The following SLC7A7 variants were observed in gnomAD, a reference collection of about 807,000 sequenced individuals.
SLC7A7 encodes Y+L amino acid transporter 1.
Under a neutral mutation model 47.9 loss-of-function variants are expected in SLC7A7, and 39 were observed. That is an observed-to-expected ratio of 0.81 (90% CI 0.63 to 1.06). The LOEUF (loss-of-function observed/expected upper bound fraction) is 1.06, where lower values mean the gene tolerates loss of function less well. Ranked by LOEUF, SLC7A7 falls within the 50% of genes least tolerant of loss-of-function variation. The pLI, the probability that SLC7A7 is intolerant of heterozygous loss-of-function variation, is 0.00. For synonymous variants in SLC7A7, 234 were observed against 242.8 expected, an observed-to-expected ratio of 0.96 and a Z score of 0.34; for missense variants, 588 against 632.0, an observed-to-expected ratio of 0.93 and a Z score of 0.75.
At chr14:22,795,568 G>A (rs923071710) in intron 2 of SLC7A7, among the ~76,000 whole-genome samples, 23 of 151,362 alleles carry the variant, frequency 1.5e-4, no homozygotes, top group African/African-American at 4.9e-5. Context: ...TCCGCCTCCC[G>A]GGTTCACACC....
upstream of SLC7A7, chr14:22,816,321 C>A (rs2039406617): frequency 6.6e-6 from 1 of 152,108 alleles, no homozygotes. Flanking sequence ...GAAACCCCGT[C>A]TCTACTAAAA....
chr14:22,774,554 A>G, intron 7 of SLC7A7, 51 bp from the exon 8 acceptor site: 1 of 1,612,898 alleles, frequency 6.2e-7, no homozygotes, highest in Admixed American at 1.7e-5. Flanking sequence ...GTTAATCCAA[A>G]GGCTTTTCAC....
At chr14:22,787,171 C>T (rs929197479) in intron 2 of SLC7A7, among the ~76,000 whole-genome samples, 1 of 152,152 alleles carries the variant, frequency 6.6e-6, no homozygotes, top group Non-Finnish European at 1.5e-5. Flanking sequence ...CGCAGTGGCT[C>T]ACGCCTGTAA....
Position 22,812,954 on chromosome 14 carries a change from GGAA to G in SLC7A7, c.442_444del (p.Phe148del). 1 of 1,613,918 alleles carries G rather than the reference GGAA, an allele frequency of 6.2e-7. No homozygotes were observed. Among genetic ancestry groups the G allele is most frequent in the Non-Finnish European group, 8.5e-7 (1 of 1,180,004 alleles). On this transcript the variant is annotated inframe_deletion, in exon 2 of 10. Coordinates refer to ENST00000674313, the MANE Select transcript of SLC7A7 (RefSeq NM_003982.4). ...GCAGCATAAGGGGCGAAGCAGCTCGGGAAGAGAGGCTGTACCATGTAGTTGGCA... is the reference window on the plus strand; with the variant it reads ...GCAGCATAAGGGGCGAAGCAGCTCGGGAGAGGCTGTACCATGTAGTTGGCA...
At chr14:22,786,293 G>C (rs1329523685) in intron 2 of SLC7A7, among the ~76,000 whole-genome samples, 3 of 144,424 alleles carry the variant, frequency 2.1e-5, no homozygotes, top group Non-Finnish European at 4.5e-5. Context: ...ACTCCAGCCT[G>C]GCCACAGAGC....
intron 2 of SLC7A7, among the ~76,000 whole-genome samples, chr14:22,809,165 G>A (rs2039260052): frequency 6.6e-6 from 1 of 152,142 alleles, no homozygotes; most frequent in Non-Finnish European, 1.5e-5. Context: ...TACTTTGCAT[G>A]TATTCTTTTT....
chr14:22,817,054 T>G (rs1168501257), upstream of SLC7A7, among the ~76,000 whole-genome samples: 1 of 151,900 alleles, frequency 6.6e-6, no homozygotes, highest in Non-Finnish European at 1.5e-5. Flanking sequence ...GCTCATATAC[T>G]CTTAATCACA....
At chr14:22,800,194 A>C (rs1347845758) in intron 2 of SLC7A7, among the ~76,000 whole-genome samples, 1 of 152,180 alleles carries the variant, frequency 6.6e-6, no homozygotes, top group Non-Finnish European at 1.5e-5. Flanking sequence ...AAATTCTAAA[A>C]TCTAAATCAC....
upstream of SLC7A7, among the ~76,000 whole-genome samples, chr14:22,818,408 C>G (rs1047843717): frequency 6.6e-6 from 1 of 151,932 alleles, no homozygotes; most frequent in Admixed American, 6.6e-5. Context: ...TTTTCTCAAC[C>G]ACTACCTAGC....
intron 1 of SLC7A7, chr14:22,814,886 G>A (rs2039382019): frequency 5.6e-6 from 1 of 177,216 alleles, no homozygotes; most frequent in African/African-American, 2.4e-5. Context: ...ACTTCACCCT[G>A]AAAGAAGACA....
chr14:22,780,694 C>T (rs935552065), intron 2 of SLC7A7, among the ~76,000 whole-genome samples: 4 of 152,204 alleles, frequency 2.6e-5, no homozygotes, highest in Non-Finnish European at 5.9e-5. Context: ...GAGCCACACA[C>T]ATTCCCCCAG....
At chr14:22,805,383 C>A (rs549245332) in intron 2 of SLC7A7, among the ~76,000 whole-genome samples, 1 of 151,870 alleles carries the variant, frequency 6.6e-6, no homozygotes. Flanking sequence ...AAGAAAGGTA[C>A]GGCAAGTAAG....
intron 3 of SLC7A7, 105 bp downstream of exon 3, chr14:22,779,821 T>A: frequency 9.3e-7 from 1 of 1,073,290 alleles, no homozygotes; most frequent in Non-Finnish European, 1.4e-6. Flanking sequence ...GCCCACCGAA[T>A]AAGGTTATAG....
At chr14:22,781,758 T>C (rs2038723421) in intron 2 of SLC7A7, among the ~76,000 whole-genome samples, 2 of 152,146 alleles carry the variant, frequency 1.3e-5, no homozygotes, top group South Asian at 2.1e-4. Context: ...CCTCTGCCCT[T>C]ATCCTAGGCT....
intron 2 of SLC7A7, among the ~76,000 whole-genome samples, chr14:22,804,599 A>C (rs1025897768): frequency 6.6e-6 from 1 of 152,240 alleles, no homozygotes; most frequent in East Asian, 1.9e-4. Flanking sequence ...TGCGGCCAAC[A>C]AACATGAAAA....
intron 2 of SLC7A7, among the ~76,000 whole-genome samples, chr14:22,807,064 A>AT: frequency 6.6e-6 from 1 of 151,882 alleles, no homozygotes; most frequent in South Asian, 2.1e-4. Flanking sequence ...TGCCCGGCTA[A>AT]TTTTTTCTGT....
intron 2 of SLC7A7, among the ~76,000 whole-genome samples, chr14:22,800,895 C>T (rs1313645461): frequency 1.3e-5 from 2 of 151,904 alleles, no homozygotes; most frequent in Admixed American, 6.6e-5. Context: ...GCCGAGATCG[C>T]GCCACTGCAC....
chr14:22,797,962 A>T (rs1056293299), intron 2 of SLC7A7, among the ~76,000 whole-genome samples: 11 of 152,198 alleles, frequency 7.2e-5, no homozygotes, highest in African/African-American at 2.4e-4. Context: ...GTACAAATAT[A>T]GATCACATTT....
chr14:22,812,922 G>A lies in SLC7A7; in HGVS notation c.477C>T (p.Arg159=), dbSNP rs753120791. ...PSCFAPYAAS[R]LLAAACICLL... is the part of the protein sequence containing the mutation. ...TACAAATGCAGGCAGCAGCCAGCAG[G>A]CGGCTGGCAGCATAAGGGGCGAAGC... Residue 159 remains arginine (R), a synonymous_variant, in exon 2 of 10, where the codon CGC becomes CGT. Transcript: ENST00000674313. 6.2e-7 allele frequency: 1 copy of A among 1,613,468 alleles called. No homozygotes were observed. The highest frequency in any genetic ancestry group is 1.3e-5 in the African/African-American group (1 of 74,778).
Sources: allele counts gnomAD v4.1 joint callset (sites outside exome capture counted in the v4.1 genomes callset), GRCh38; gene constraint gnomAD v4.1.1; transcripts MANE v1.5; gene names NCBI Gene and HGNC (gene_info 2026-07-23, HGNC 2026-07-21).